The following HMBOX1 variants were observed in gnomAD, a reference collection of about 807,000 sequenced individuals.
HMBOX1 encodes the protein homeobox-containing protein 1.
Under a neutral mutation model 54.5 loss-of-function variants are expected in HMBOX1, and 14 were observed. That is an observed-to-expected ratio of 0.26 (90% CI 0.17 to 0.40). The LOEUF is 0.40. Among genes scored for constraint, HMBOX1 ranks in the 10% least tolerant of loss-of-function variants. The probability of loss-of-function intolerance (pLI) is 1.00; values close to 1 mark genes in which losing one functional copy is unlikely to be tolerated. For missense variants in HMBOX1, 332 were observed against 514.4 expected, an observed-to-expected ratio of 0.65 and a Z score of 3.43; for synonymous variants, 160 against 181.0, an observed-to-expected ratio of 0.88 and a Z score of 0.93.
At chr8:28,985,013 T>G (rs550823975) in intron 4 of HMBOX1, among the ~76,000 whole-genome samples, 1 of 152,352 alleles carries the variant, frequency 6.6e-6, no homozygotes, top group Admixed American at 6.5e-5. Flanking sequence ...AGAATCTCAA[T>G]GTTCTGGTCT....
chr8:28,925,362 TG>T (rs753497059), intron 1 of HMBOX1, among the ~76,000 whole-genome samples: 4 of 152,218 alleles, frequency 2.6e-5, no homozygotes, highest in Non-Finnish European at 5.9e-5. Flanking sequence ...AAAACTGTTT[TG>T]TTTTTTTTCT....
chr8:28,989,909 C>T (rs1407991299), intron 4 of HMBOX1, among the ~76,000 whole-genome samples: 1 of 151,920 alleles, frequency 6.6e-6, no homozygotes, highest in African/African-American at 2.4e-5. Flanking sequence ...TCAGTGTACA[C>T]GTTTTGTACA....
intron 1 of HMBOX1, among the ~76,000 whole-genome samples, chr8:28,909,829 A>T (rs1027521252): frequency 6.6e-6 from 1 of 152,056 alleles, no homozygotes; most frequent in Non-Finnish European, 1.5e-5. Flanking sequence ...TGTGCAAAAC[A>T]CCACGACAAT....
chr8:29,007,862 T>C (rs1833687785), intron 4 of HMBOX1, among the ~76,000 whole-genome samples: 1 of 152,184 alleles, frequency 6.6e-6, no homozygotes. Context: ...TCACAGTCTT[T>C]TTTTTTAACA....
At chr8:29,040,070 C>T (rs945201064) in intron 6 of HMBOX1, among the ~76,000 whole-genome samples, 3 of 152,150 alleles carry the variant, frequency 2.0e-5, no homozygotes, top group African/African-American at 7.2e-5. Context: ...GTGCACCCCT[C>T]AGAAGCCTGC....
chr8:28,918,463 A>G (rs969067158), intron 1 of HMBOX1, among the ~76,000 whole-genome samples: 1 of 152,160 alleles, frequency 6.6e-6, no homozygotes, highest in Non-Finnish European at 1.5e-5. Flanking sequence ...TTGGCCTCCC[A>G]AAGTGTTGGG....
At chr8:28,980,226 A>G in intron 4 of HMBOX1, 70 bp downstream of exon 4, 2 of 1,128,076 alleles carry the variant, frequency 1.8e-6, no homozygotes, top group Admixed American at 1.7e-5. Context: ...ATGTTGGAAT[A>G]TTGCTTGCAT....
Position 28,990,660 on chromosome 8 carries a change from T to C in HMBOX1, c.586+10504T>C, listed in dbSNP as rs578187498. On this transcript the variant is annotated intron_variant, in intron 4 of 9. Transcript: ENST00000287701. The stretch of plus-strand genomic sequence containing the variant: ...GTTTTGTTTTTTGTTTGTTTGTTTT[T>C]TTGTTTTCTTTTTCAGACGGTGTCT... Among the ~76,000 whole-genome samples, 70 of 152,312 alleles carry C rather than the reference T, an allele frequency of 4.6e-4. 1 individual carries two copies. The highest frequency in any genetic ancestry group is 1.0e-3 in the South Asian group (5 of 4,826).
At chr8:28,977,272 A>G (rs1479557548) in intron 3 of HMBOX1, among the ~76,000 whole-genome samples, 2 of 152,240 alleles carry the variant, frequency 1.3e-5, no homozygotes, top group Non-Finnish European at 2.9e-5. Context: ...TAGTAGTCAA[A>G]AAACCCATTT....
chr8:28,896,513 G>A (rs1346469203), intron 1 of HMBOX1, among the ~76,000 whole-genome samples: 1 of 148,540 alleles, frequency 6.7e-6, no homozygotes, highest in East Asian at 1.9e-4. Context: ...ACCAATTATT[G>A]GATCAGTAAT....
At chr8:28,959,286 G>T (rs1825043687) in intron 1 of HMBOX1, among the ~76,000 whole-genome samples, 1 of 152,036 alleles carries the variant, frequency 6.6e-6, no homozygotes, top group Non-Finnish European at 1.5e-5. Flanking sequence ...CTTAAACAGG[G>T]GCACTGTTAG....
At chr8:28,987,181 C>T (rs1830288162) in intron 4 of HMBOX1, among the ~76,000 whole-genome samples, 2 of 152,142 alleles carry the variant, frequency 1.3e-5, no homozygotes, top group Non-Finnish European at 2.9e-5. Context: ...CAAGCCCTGA[C>T]AATGACTTGT....
intron 1 of HMBOX1, among the ~76,000 whole-genome samples, chr8:28,943,043 G>C (rs529257122): frequency 6.6e-6 from 1 of 152,222 alleles, no homozygotes; most frequent in East Asian, 1.9e-4. Context: ...TTCACCATCT[G>C]ATTTTATTTG....
chr8:28,892,125 G>A (rs766926328), intron 1 of HMBOX1, among the ~76,000 whole-genome samples: 9 of 152,008 alleles, frequency 5.9e-5, no homozygotes, highest in Non-Finnish European at 1.3e-4. Context: ...TGCTTTTTGT[G>A]GTTTTACCAT....
At chr8:28,946,077 C>T (rs1234948356) in intron 1 of HMBOX1, among the ~76,000 whole-genome samples, 4 of 151,740 alleles carry the variant, frequency 2.6e-5, no homozygotes, top group Non-Finnish European at 4.4e-5. Flanking sequence ...CTCAGCCTCC[C>T]AAGTAGCTGG....
intron 1 of HMBOX1, among the ~76,000 whole-genome samples, chr8:28,951,195 C>T (rs182271390): frequency 3.3e-5 from 5 of 152,322 alleles, no homozygotes; most frequent in Admixed American, 6.5e-5. Flanking sequence ...TGCAGTGGCA[C>T]GTTCTCAGCT....
intron 1 of HMBOX1, among the ~76,000 whole-genome samples, chr8:28,960,170 A>G (rs1179610202): frequency 1.3e-5 from 2 of 148,656 alleles, no homozygotes; most frequent in African/African-American, 5.2e-5. Context: ...GGTGTACAGT[A>G]TTTTATTTTT....
At chr8:28,921,369 G>T (rs774549245) in intron 1 of HMBOX1, among the ~76,000 whole-genome samples, 5 of 152,068 alleles carry the variant, frequency 3.3e-5, no homozygotes, top group African/African-American at 9.7e-5. Context: ...TTCCATAGAC[G>T]TTTGACCATC....
intron 3 of HMBOX1, among the ~76,000 whole-genome samples, chr8:28,974,077 G>T (rs1827985929): frequency 6.6e-6 from 1 of 151,990 alleles, no homozygotes; most frequent in Admixed American, 6.6e-5. Context: ...GCCTCCCAAA[G>T]TGCTGGGATT....
Sources: gnomAD v4.1 joint callset for allele counts (sites outside exome capture counted in the v4.1 genomes callset) on GRCh38, gnomAD v4.1.1 for gene constraint, MANE v1.5 for transcripts, NCBI Gene and HGNC (gene_info 2026-07-23, HGNC 2026-07-21) for gene names.